KLRG1: variants seen among roughly 807,000 people sequenced by gnomAD.
KLRG1 encodes killer cell lectin like receptor G1, also known as killer cell lectin-like receptor subfamily G member 1.
Under a neutral mutation model 21.8 loss-of-function variants are expected in KLRG1, and 16 were observed. The observed-to-expected ratio is 0.73, with a 90% CI of 0.50 to 1.11. The LOEUF is 1.11. Among genes scored for constraint, KLRG1 ranks in the 50% most tolerant of loss-of-function variants. The probability of loss-of-function intolerance (pLI) is 0.00; values close to 1 mark genes in which losing one functional copy is unlikely to be tolerated. For missense variants in KLRG1, 173 were observed against 218.3 expected (o/e 0.79, Z 1.31); for synonymous variants, 69 against 75.9 (o/e 0.91, Z 0.47).
chr12:8,954,849 C>T (rs1023309126), intron 1 of KLRG1, among the ~76,000 whole-genome samples: 5 of 152,084 alleles, frequency 3.3e-5, no homozygotes, highest in African/African-American at 1.2e-4. Flanking sequence ...GTAAGAGTTC[C>T]ATATTTGTTT....
At chr12:9,076,929 A>T in the KLRG1 span, 1 of 1,590,634 alleles carries the variant, frequency 6.3e-7, no homozygotes, top group African/African-American at 1.3e-5. Context: ...ATTGCGGACA[A>T]CAGGGTGCTG....
At chr12:9,183,671 C>G in the KLRG1 span, among the ~76,000 whole-genome samples, 1 of 152,184 alleles carries the variant, frequency 6.6e-6, no homozygotes, top group African/African-American at 2.4e-5. Context: ...TTACAGGCAG[C>G]AGCCAATGTG....
At chr12:9,181,065 G>A in the KLRG1 span, 3 of 1,614,084 alleles carry the variant, frequency 1.9e-6, no homozygotes, top group African/African-American at 2.7e-5. Context: ...GGACTGCGGA[G>A]CAGCTGCTAC....
the KLRG1 span, among the ~76,000 whole-genome samples, chr12:9,126,099 A>G: frequency 5.3e-5 from 8 of 152,374 alleles, no homozygotes; most frequent in South Asian, 8.3e-4. Context: ...TGCAACTGGC[A>G]TAACAGAATA....
chr12:9,111,470 T>C, the KLRG1 span: 1 of 452,932 alleles, frequency 2.2e-6, no homozygotes, highest in African/African-American at 2.0e-5. Flanking sequence ...GAGATGACAT[T>C]GACTAGGACT....
At chr12:8,991,454 C>T (rs1195343341) in intron 1 of KLRG1, among the ~76,000 whole-genome samples, 1 of 152,044 alleles carries the variant, frequency 6.6e-6, no homozygotes. Flanking sequence ...AATATGTTTA[C>T]ATGGTTCAAA....
At chr12:9,098,430 TTA>T in the KLRG1 span, 1,532 of 283,388 alleles carry the variant, frequency 5.4e-3, no homozygotes, top group East Asian at 0.029. Flanking sequence ...AAGTGAGTAG[TTA>T]TATATATATA....
intron 3 of KLRG1, among the ~76,000 whole-genome samples, chr12:9,001,346 G>T (rs914319356): frequency 6.6e-6 from 1 of 152,098 alleles, no homozygotes; most frequent in African/African-American, 2.4e-5. Flanking sequence ...GAGACTGTAG[G>T]GTTCCCCAGT....
chr12:8,978,938 C>T (rs769013704), intron 1 of KLRG1, among the ~76,000 whole-genome samples: 16 of 151,848 alleles, frequency 1.1e-4, no homozygotes, highest in Admixed American at 3.3e-4. Context: ...TGGTCTTGAA[C>T]TCCTGACCTC....
the KLRG1 span, among the ~76,000 whole-genome samples, chr12:9,052,652 T>C: frequency 6.6e-6 from 1 of 152,352 alleles, no homozygotes; most frequent in African/African-American, 2.4e-5. Context: ...TCCTCACAGC[T>C]GAGTAGCACT....
intron 1 of KLRG1, among the ~76,000 whole-genome samples, chr12:8,973,163 G>T (rs899812077): frequency 2.1e-5 from 2 of 97,030 alleles, no homozygotes; most frequent in East Asian, 3.1e-4. Flanking sequence ...CATCTCAAAA[G>T]AAAAAAAAAA....
the KLRG1 span, chr12:9,099,470 C>T: frequency 7.2e-5 from 116 of 1,608,932 alleles, no homozygotes; most frequent in Admixed American, 1.0e-4. Flanking sequence ...AGCAACCGAG[C>T]GACAGGAGCA....
chr12:9,147,839 T>C, the KLRG1 span, among the ~76,000 whole-genome samples: 8 of 152,328 alleles, frequency 5.3e-5, no homozygotes, highest in South Asian at 8.3e-4. Flanking sequence ...CTTCTCCAAA[T>C]GTTGCCTTTA....
At chr12:9,156,757 G>T in the KLRG1 span, among the ~76,000 whole-genome samples, 1 of 152,100 alleles carries the variant, frequency 6.6e-6, no homozygotes, top group East Asian at 1.9e-4. Flanking sequence ...GTATGACTTG[G>T]CTAAGGAATT....
intron 1 of KLRG1, among the ~76,000 whole-genome samples, chr12:8,969,665 A>T (rs1946536056): frequency 6.6e-6 from 1 of 152,216 alleles, no homozygotes; most frequent in South Asian, 2.1e-4. Flanking sequence ...TGGAATAGAA[A>T]ATAGAAAAAC....
chr12:9,120,102 C>T, the KLRG1 span, among the ~76,000 whole-genome samples: 21 of 152,252 alleles, frequency 1.4e-4, no homozygotes, highest in East Asian at 3.9e-3. Context: ...ACATTCTGAT[C>T]CTTACTATAC....
At chr12:9,058,988 G>A in the KLRG1 span, 4 of 152,662 alleles carry the variant, frequency 2.6e-5, no homozygotes, top group East Asian at 7.7e-4. Context: ...CAAAGCTGGG[G>A]TTAAATTCAT....
the KLRG1 span, chr12:9,157,353 GT>G: frequency 6.2e-6 from 10 of 1,610,554 alleles, no homozygotes; most frequent in Admixed American, 1.7e-5. Flanking sequence ...GAACAATAGG[GT>G]TCTGTAAAGG....
chr12:9,166,267 G>A, the KLRG1 span: 2 of 1,524,132 alleles, frequency 1.3e-6, no homozygotes, highest in Non-Finnish European at 1.8e-6. Context: ...GCACATGTGA[G>A]ACGTTAGAGA....
Sources: gnomAD v4.1 joint callset for allele counts (sites outside exome capture counted in the v4.1 genomes callset) on GRCh38, gnomAD v4.1.1 for gene constraint, MANE v1.5 for transcripts, NCBI Gene and HGNC (gene_info 2026-07-23, HGNC 2026-07-21) for gene names.